ARHGAP24: variants seen among roughly 807,000 people sequenced by gnomAD.
The protein encoded by ARHGAP24 is Rho GTPase activating protein 24, also known as rho GTPase-activating protein 24.
ARHGAP24 carries 50 observed loss-of-function variants against 76.4 expected under a neutral mutation model. The ratio of observed to expected loss-of-function variants is 0.65; its 90% confidence interval spans 0.52 to 0.83. The LOEUF is 0.83. Among genes scored for constraint, ARHGAP24 ranks in the 40% least tolerant of loss-of-function variants. ARHGAP24 has a pLI of 0.00. For missense variants in ARHGAP24, 930 were observed against 914.2 expected (o/e 1.02, Z -0.22); for synonymous variants, 345 against 323.3 (o/e 1.07, Z -0.72).
chr4:85,988,838 G>C (rs1375255816), intron 8 of ARHGAP24, among the ~76,000 whole-genome samples: 1 of 151,674 alleles, frequency 6.6e-6, no homozygotes, highest in East Asian at 1.9e-4. Flanking sequence ...ATACAGGTAT[G>C]TTTAAAAACT....
chr4:85,970,319 A>T (rs1375721891), intron 5 of ARHGAP24, among the ~76,000 whole-genome samples: 1 of 152,200 alleles, frequency 6.6e-6, no homozygotes, highest in Admixed American at 6.5e-5. Context: ...TCATTTTCTC[A>T]GAGAAGACCT....
At chr4:85,675,046 A>G (rs1357252927) in intron 2 of ARHGAP24, among the ~76,000 whole-genome samples, 3 of 152,226 alleles carry the variant, frequency 2.0e-5, no homozygotes, top group East Asian at 3.8e-4. Context: ...TTGAAGAAAG[A>G]TAACTGATCT....
At chr4:85,962,289 T>C (rs1187614307) in intron 5 of ARHGAP24, among the ~76,000 whole-genome samples, 2 of 151,968 alleles carry the variant, frequency 1.3e-5, no homozygotes, top group African/African-American at 4.8e-5. Flanking sequence ...GTTAGGAAAA[T>C]AGTGTACCCA....
At chr4:85,625,747 G>T (rs938282400) in intron 2 of ARHGAP24, among the ~76,000 whole-genome samples, 3 of 152,142 alleles carry the variant, frequency 2.0e-5, no homozygotes, top group South Asian at 4.1e-4. Flanking sequence ...TTATGAATCT[G>T]GGTGCTCCTG....
intron 2 of ARHGAP24, among the ~76,000 whole-genome samples, chr4:85,621,347 G>A (rs983853018): frequency 1.3e-5 from 2 of 152,034 alleles, no homozygotes; most frequent in Admixed American, 6.6e-5. Context: ...TTTCTAAACT[G>A]CCTTCCACAA....
intron 1 of ARHGAP24, among the ~76,000 whole-genome samples, chr4:85,506,895 T>TC (rs1045819273): frequency 8.8e-3 from 77 of 8,742 alleles, no homozygotes; most frequent in Non-Finnish European, 0.036. Context: ...TCTAAGCCTT[T>TC]TTTTTTCCCC....
Position 85,626,748 on chromosome 4 carries a change from C to T in ARHGAP24, c.180+56027C>T, listed in dbSNP as rs558688446. Among the ~76,000 whole-genome samples the T allele has an allele frequency of 1.6e-4, 25 of 152,248 alleles. 1 individual carries two copies. In the South Asian group the frequency reaches 3.1e-3, roughly 19 times the overall value. On this transcript the variant is annotated intron_variant, in intron 2 of 9. Coordinates refer to ENST00000395184, the MANE Select transcript of ARHGAP24 (RefSeq NM_001025616.3). Reference sequence around the variant, plus strand: ...TAGATTTGGTCTTTTCACATAGTCCCATATTTCTTGGAGGCTTTGTTGGTT... The same window carrying T: ...TAGATTTGGTCTTTTCACATAGTCCTATATTTCTTGGAGGCTTTGTTGGTT...
At chr4:85,556,380 C>A (rs2128093) in intron 1 of ARHGAP24, among the ~76,000 whole-genome samples, 1 of 152,006 alleles carries the variant, frequency 6.6e-6, no homozygotes, top group Non-Finnish European at 1.5e-5. Context: ...TGAGGCAAGA[C>A]CCCTGCCTGG....
chr4:85,582,621 C>A (rs530223871), intron 2 of ARHGAP24, among the ~76,000 whole-genome samples: 2 of 152,054 alleles, frequency 1.3e-5, no homozygotes, highest in Admixed American at 1.3e-4. Flanking sequence ...GATATGCCTA[C>A]AGAGACTGTA....
chr4:85,943,912 A>G (rs748522371), intron 5 of ARHGAP24, among the ~76,000 whole-genome samples: 1 of 151,970 alleles, frequency 6.6e-6, no homozygotes, highest in Non-Finnish European at 1.5e-5. Flanking sequence ...CAGTGCTGCA[A>G]TAAACATACG....
intron 8 of ARHGAP24, among the ~76,000 whole-genome samples, chr4:85,988,374 A>G (rs1482336505): frequency 1.3e-5 from 2 of 151,872 alleles, no homozygotes; most frequent in Non-Finnish European, 3.0e-5. Flanking sequence ...CATAATACAT[A>G]CAGAAATGAA....
intron 2 of ARHGAP24, among the ~76,000 whole-genome samples, chr4:85,628,188 C>G (rs990715515): frequency 4.6e-5 from 7 of 152,126 alleles, no homozygotes; most frequent in African/African-American, 1.4e-4. Context: ...AGCTATAGAC[C>G]GGAGCTGTTC....
intron 2 of ARHGAP24, 23 bp from the exon 3 acceptor site, chr4:85,721,862 G>A: frequency 6.3e-7 from 1 of 1,593,186 alleles, no homozygotes; most frequent in Non-Finnish European, 8.6e-7. Flanking sequence ...TGATGTTGAT[G>A]TTTTGGGTAT....
chr4:85,511,744 C>A (rs909055919), intron 1 of ARHGAP24, among the ~76,000 whole-genome samples: 7 of 152,144 alleles, frequency 4.6e-5, no homozygotes, highest in Non-Finnish European at 1.0e-4. Flanking sequence ...GGATTACAGG[C>A]GTGAGCCAAC....
chr4:85,783,243 G>C (rs952300977), intron 3 of ARHGAP24, among the ~76,000 whole-genome samples: 6 of 151,866 alleles, frequency 4.0e-5, no homozygotes, highest in African/African-American at 1.5e-4. Context: ...GAAATTATTT[G>C]TTTTATATCA....
At chr4:85,689,913 G>A (rs960166154) in intron 2 of ARHGAP24, among the ~76,000 whole-genome samples, 1 of 150,750 alleles carries the variant, frequency 6.6e-6, no homozygotes, top group Non-Finnish European at 1.5e-5. Context: ...GAATAGGAAT[G>A]GTGAAAGTGG....
chr4:85,989,417 C>T (rs1426087392), intron 8 of ARHGAP24, among the ~76,000 whole-genome samples: 1 of 151,604 alleles, frequency 6.6e-6, no homozygotes, highest in Admixed American at 6.6e-5. Context: ...AAAACAAAAA[C>T]ACCTCTAACT....
At chr4:85,581,102 A>G (rs149707541) in intron 2 of ARHGAP24, among the ~76,000 whole-genome samples, 72 of 152,214 alleles carry the variant, frequency 4.7e-4, no homozygotes, top group African/African-American at 1.6e-3. Flanking sequence ...CTGATTTCTT[A>G]TGATTATTAA....
At chr4:85,886,277 G>A (rs186664893) in intron 3 of ARHGAP24, among the ~76,000 whole-genome samples, 1 of 152,034 alleles carries the variant, frequency 6.6e-6, no homozygotes, top group African/African-American at 2.4e-5. Context: ...ATACAACAAC[G>A]TTACCATGTG....
Sources: allele counts gnomAD v4.1 joint callset (sites outside exome capture counted in the v4.1 genomes callset), GRCh38; gene constraint gnomAD v4.1.1; transcripts MANE v1.5; gene names NCBI Gene and HGNC (gene_info 2026-07-23, HGNC 2026-07-21).